TMEM39B: variants seen among roughly 807,000 people sequenced by gnomAD.
The protein encoded by TMEM39B is transmembrane protein 39B.
TMEM39B carries 23 observed loss-of-function variants against 52.2 expected under a neutral mutation model. The ratio of observed to expected loss-of-function variants is 0.44; its 90% confidence interval spans 0.32 to 0.62. The LOEUF is 0.62. Among genes scored for constraint, TMEM39B ranks in the 20% least tolerant of loss-of-function variants. The pLI is 0.06. For missense variants in TMEM39B, 547 were observed against 642.0 expected, an observed-to-expected ratio of 0.85 and a Z score of 1.60; for synonymous variants, 285 against 264.0, an observed-to-expected ratio of 1.08 and a Z score of -0.77.
At chr1:32,096,071 G>C (rs148926634) in intron 7 of TMEM39B, among the ~76,000 whole-genome samples, 1 of 152,206 alleles carries the variant, frequency 6.6e-6, no homozygotes, top group Non-Finnish European at 1.5e-5. Context: ...CTTTTACCAT[G>C]CCCCAACCCA....
At chr1:32,090,902 A>C (rs971566681) in intron 5 of TMEM39B, among the ~76,000 whole-genome samples, 3 of 151,850 alleles carry the variant, frequency 2.0e-5, no homozygotes, top group Non-Finnish European at 4.4e-5. Context: ...AGCCTCCCAA[A>C]GTGCTGGGAT....
intron 5 of TMEM39B, among the ~76,000 whole-genome samples, chr1:32,088,664 A>G (rs1640478952): frequency 6.6e-6 from 1 of 151,514 alleles, no homozygotes; most frequent in Non-Finnish European, 1.5e-5. Context: ...CATGCATATG[A>G]AGCTGCTTCT....
At chr1:32,099,516 T>C (rs142589848) in intron 7 of TMEM39B, among the ~76,000 whole-genome samples, 1 of 152,226 alleles carries the variant, frequency 6.6e-6, no homozygotes, top group African/African-American at 2.4e-5. Flanking sequence ...AAAGGCTTTG[T>C]GGAGGAACCT....
chr1:32,102,739 G>A lies in TMEM39B; in HGVS notation c.*66G>A. Reference sequence around the variant, plus strand: ...AAGGGCTCCCTGGCAAGGGGCTGTTGGGTAGAAGTGGTGGTGGGGGGGACA... The same window carrying A: ...AAGGGCTCCCTGGCAAGGGGCTGTTAGGTAGAAGTGGTGGTGGGGGGGACA... On this transcript the variant is annotated 3_prime_UTR_variant, in exon 9 of 9. Transcript: ENST00000336294. 1.4e-6 allele frequency: 2 copies of A among 1,404,072 alleles called. No individual in the cohort carries two copies. Among genetic ancestry groups the A allele is most frequent in the Non-Finnish European group, 1.9e-6 (2 of 1,072,248 alleles). The allele number at this position is 1,404,072 out of a possible 1,614,324, so 87.0% of individuals were successfully genotyped here. A position where few individuals can be genotyped will look rare whatever the true frequency, so the allele number is the denominator to read the frequency against.
At chr1:32,083,673 C>T (rs1238414406) in intron 5 of TMEM39B, among the ~76,000 whole-genome samples, 24 of 152,022 alleles carry the variant, frequency 1.6e-4, no homozygotes, top group Admixed American at 1.6e-3. Context: ...CCGTCCATCT[C>T]AGCTTCCCAA....
Position 32,073,002 on chromosome 1 carries a change from C to A in TMEM39B, c.-46C>A, listed in dbSNP as rs1355832914. 2.0e-6 allele frequency: 3 copies of A among 1,532,742 alleles called. No homozygotes were observed. The Admixed American group carries it at 6.1e-5, about 31-fold the overall frequency. The allele number at this position is 1,532,742 out of a possible 1,614,324, so 94.9% of individuals were successfully genotyped here. Reference sequence around the variant, plus strand: ...GGCCGCCGTCGCCTCCGACATATTGCCCGCAGGAGCTGCGGCGGCGAAGCG... The same window carrying A: ...GGCCGCCGTCGCCTCCGACATATTGACCGCAGGAGCTGCGGCGGCGAAGCG... On this transcript the variant is annotated 5_prime_UTR_variant, in exon 1 of 9. Coordinates refer to ENST00000336294, the MANE Select transcript of TMEM39B (RefSeq NM_018056.4).
intron 2 of TMEM39B, among the ~76,000 whole-genome samples, 187 bp from the exon 3 acceptor site, chr1:32,075,416 G>A (rs976931537): frequency 5.3e-5 from 8 of 152,150 alleles, no homozygotes; most frequent in Admixed American, 2.6e-4. Context: ...GGTGTTGGAA[G>A]ACCTGAATAA....
In TMEM39B at chr1:32,075,183, G is replaced by A. The variant is rs568504705; in HGVS notation, c.131+106G>A. On this transcript the variant is annotated intron_variant, in intron 2 of 8. Coordinates refer to ENST00000336294, the MANE Select transcript of TMEM39B (RefSeq NM_018056.4). ...GATGTGAAATCCTAGATGCCAGTGG[G>A]GGCTTAGAGGGGAGTAAGCAGCAGA... The A allele has an allele frequency of 5.7e-4, 808 of 1,419,768 alleles. 12 individuals carry two copies. The South Asian group carries it at 0.011, about 20-fold the overall frequency. The allele number at this position is 1,419,768 out of a possible 1,614,324, so 87.9% of individuals were successfully genotyped here.
chr1:32,073,201 C>A (rs1266210643), intron 1 of TMEM39B, 150 bp downstream of exon 1: 5 of 840,966 alleles, frequency 5.9e-6, no homozygotes, highest in South Asian at 2.4e-5. Flanking sequence ...CCCCTCCTGT[C>A]GTTTTGCGGG....
chr1:32,076,339 G>C (rs1275227344), intron 3 of TMEM39B: 2 of 325,400 alleles, frequency 6.1e-6, no homozygotes, highest in Non-Finnish European at 1.2e-5. Flanking sequence ...TCGAACTCCT[G>C]ACCTCAAATG....
chr1:32,073,288 C>G, intron 1 of TMEM39B: 1 of 518,560 alleles, frequency 1.9e-6, no homozygotes, highest in Non-Finnish European at 3.1e-6. Flanking sequence ...GGGGCTTGGG[C>G]TTTCGTGAGG....
intron 5 of TMEM39B, 107 bp downstream of exon 5, chr1:32,077,425 G>A (rs1450509991): frequency 4.4e-6 from 6 of 1,368,918 alleles, no homozygotes; most frequent in African/African-American, 1.4e-5. Context: ...TCGGAGGCAG[G>A]CAGCAACATC....
chr1:32,075,857 T>C lies in TMEM39B; in HGVS notation c.351+35T>C, dbSNP rs770552053. 11 of 1,271,186 alleles carry C rather than the reference T, an allele frequency of 8.7e-6. No individual in the cohort carries two copies. The African/African-American group carries it at 1.5e-4, about 18-fold the overall frequency. 78.7% of individuals were successfully genotyped at this position (1,271,186 alleles called of 1,614,324 possible). ...CAACAAGGGTGTGTGTGTGTGTGTG[T>C]GTGTGTGCGTGTGTGTGTATGTGTG... On this transcript the variant is annotated intron_variant, in intron 3 of 8. Transcript: ENST00000336294.
chr1:32,073,046 A>C lies in TMEM39B; in HGVS notation c.-2A>C. On this transcript the variant is annotated 5_prime_UTR_variant, in exon 1 of 9. Coordinates refer to ENST00000336294, the MANE Select transcript of TMEM39B (RefSeq NM_018056.4). ...CGAAGCGGAGAGCACCGGGGGGAGGAGATGGGTGAGCAGAGCGGCTCAGGC... is the reference window on the plus strand; with the variant it reads ...CGAAGCGGAGAGCACCGGGGGGAGGCGATGGGTGAGCAGAGCGGCTCAGGC... The C allele has an allele frequency of 6.6e-7, 1 of 1,517,528 alleles. No homozygotes were observed. Among genetic ancestry groups the C allele is most frequent in the Non-Finnish European group, 8.8e-7 (1 of 1,130,510 alleles). The allele number at this position is 1,517,528 out of a possible 1,614,324, so 94.0% of individuals were successfully genotyped here.
chr1:32,072,743 C>A (rs1425987482), upstream of TMEM39B, among the ~76,000 whole-genome samples: 1 of 152,204 alleles, frequency 6.6e-6, no homozygotes. Flanking sequence ...AAGACACGCA[C>A]GGGAAGAGCA....
At chr1:32,095,272 C>A (rs1640770971) in intron 7 of TMEM39B, among the ~76,000 whole-genome samples, 1 of 152,184 alleles carries the variant, frequency 6.6e-6, no homozygotes, top group African/African-American at 2.4e-5. Flanking sequence ...CTTCACTCTT[C>A]TCTTACCTGC....
chr1:32,100,282 A>G lies in TMEM39B; in HGVS notation c.1116-160A>G, dbSNP rs375180182. On this transcript the variant is annotated intron_variant, in intron 7 of 8. Transcript: ENST00000336294. ...GTGAATTCCTCATGATTCTTACCCC[A>G]TTTTACAGAGGAGGCAACTGAAACC... is the stretch of plus-strand genomic sequence containing the variant. 6.6e-5 allele frequency among the ~76,000 whole-genome samples: 10 copies of G among 152,264 alleles called. No individual in the cohort carries two copies. The East Asian group carries it at 1.9e-3, about 29-fold the overall frequency.
intron 7 of TMEM39B, among the ~76,000 whole-genome samples, chr1:32,099,443 G>A (rs1470932913): frequency 6.6e-6 from 1 of 152,090 alleles, no homozygotes; most frequent in Non-Finnish European, 1.5e-5. Context: ...TTGTACACAT[G>A]TACCCTAGAA....
At chr1:32,081,425 C>G (rs1017017190) in intron 5 of TMEM39B, among the ~76,000 whole-genome samples, 1 of 151,942 alleles carries the variant, frequency 6.6e-6, no homozygotes, top group South Asian at 2.1e-4. Context: ...GCATCAGCCA[C>G]TGTACCTAGC....
Sources: allele counts gnomAD v4.1 joint callset (sites outside exome capture counted in the v4.1 genomes callset), GRCh38; gene constraint gnomAD v4.1.1; transcripts MANE v1.5; gene names NCBI Gene and HGNC (gene_info 2026-07-23, HGNC 2026-07-21).